The following MELK variants were observed in gnomAD, a reference collection of about 807,000 sequenced individuals.
The protein encoded by MELK is maternal embryonic leucine zipper kinase, also known as pEg3 kinase.
Under a neutral mutation model 85.0 loss-of-function variants are expected in MELK, and 81 were observed. That is an observed-to-expected ratio of 0.95 (90% confidence interval 0.80 to 1.15). The LOEUF (loss-of-function observed/expected upper bound fraction) is 1.15, where lower values mean the gene tolerates loss of function less well. Among genes scored for constraint, MELK ranks in the 50% most tolerant of loss-of-function variants. The pLI is 0.00. For missense variants in MELK, 754 were observed against 777.5 expected (o/e 0.97, Z 0.36); for synonymous variants, 252 against 265.0 (o/e 0.95, Z 0.48).
chr9:36,665,006 CT>C (rs912708775), intron 13 of MELK, among the ~76,000 whole-genome samples: 2 of 151,388 alleles, frequency 1.3e-5, no homozygotes, highest in African/African-American at 4.9e-5. Context: ...GCTGACTAAA[CT>C]TTTTTTTTGG....
At chr9:36,620,581 G>A (rs1389962824) in intron 8 of MELK, among the ~76,000 whole-genome samples, 17 of 129,982 alleles carry the variant, frequency 1.3e-4, no homozygotes. Flanking sequence ...ATGGAGTCTC[G>A]CTCTGTCTCC....
intron 14 of MELK, among the ~76,000 whole-genome samples, chr9:36,667,430 A>G (rs919968836): frequency 6.6e-5 from 10 of 152,224 alleles, no homozygotes; most frequent in African/African-American, 2.4e-4. Flanking sequence ...TTCTGGGATT[A>G]TAGGCGTGGG....
rs150303908 is a variant in MELK, at chr9:36,638,783, C to T, written c.835-4214C>T. ...ACTCCTTTAATCCATTTAATCTGTA[C>T]GCCAATCCTCCGAAGAAGGTACTAT... On this transcript the variant is annotated intron_variant, in intron 10 of 17. Transcript: ENST00000298048. Among the ~76,000 whole-genome samples the T allele has an allele frequency of 7.0e-4, 106 of 152,278 alleles. 2 individuals are homozygous for T. The East Asian group carries it at 0.013, about 19-fold the overall frequency.
intron 8 of MELK, among the ~76,000 whole-genome samples, chr9:36,609,447 C>CTT (rs58390406): frequency 0.017 from 2,294 of 132,706 alleles, 55 homozygotes; most frequent in African/African-American, 0.041. Context: ...CTTTCTTCTT[C>CTT]TTTTTTTTTT....
chr9:36,643,716 C>T lies in MELK; in HGVS notation c.921+633C>T, dbSNP rs577458583. 4.7e-4 allele frequency among the ~76,000 whole-genome samples: 72 copies of T among 152,036 alleles called. 1 individual carries two copies. The East Asian group carries it at 0.012, about 25-fold the overall frequency. On this transcript the variant is annotated intron_variant, in intron 11 of 17. Coordinates refer to ENST00000298048, the MANE Select transcript of MELK (RefSeq NM_014791.4). ...TTCGGAGGCTGAGGTGGGCGGATCACGAGGTCAGGAGATCGAGACCATCCT... is the reference window on the plus strand; with the variant it reads ...TTCGGAGGCTGAGGTGGGCGGATCATGAGGTCAGGAGATCGAGACCATCCT...
chr9:36,627,933 C>T (rs545646940), intron 8 of MELK, among the ~76,000 whole-genome samples: 6 of 152,134 alleles, frequency 3.9e-5, no homozygotes, highest in Admixed American at 6.5e-5. Context: ...CGGAGTTTCA[C>T]TCTTGTTGCC....
intron 11 of MELK, among the ~76,000 whole-genome samples, chr9:36,648,456 G>A (rs889622577): frequency 6.6e-6 from 1 of 152,164 alleles, no homozygotes; most frequent in Non-Finnish European, 1.5e-5. Context: ...TTCTCTACCT[G>A]TGCTGCATAA....
chr9:36,664,471 A>T (rs1832147333), intron 13 of MELK, among the ~76,000 whole-genome samples: 1 of 152,212 alleles, frequency 6.6e-6, no homozygotes, highest in Non-Finnish European at 1.5e-5. Context: ...AACTTAGCAT[A>T]GGACTACTTT....
At chr9:36,580,822 G>A (rs1056968788) in intron 1 of MELK, among the ~76,000 whole-genome samples, 9 of 150,228 alleles carry the variant, frequency 6.0e-5, no homozygotes, top group Admixed American at 1.3e-4. Flanking sequence ...TCCACCTCCC[G>A]GGTTCAAGCG....
intron 3 of MELK, among the ~76,000 whole-genome samples, chr9:36,587,799 A>G (rs1823088103): frequency 6.8e-6 from 1 of 147,430 alleles, no homozygotes. Flanking sequence ...TTTTCGATAC[A>G]GAGTCTCGCT....
intron 16 of MELK, among the ~76,000 whole-genome samples, chr9:36,674,070 T>C (rs1402331623): frequency 2.0e-5 from 3 of 152,202 alleles, no homozygotes; most frequent in Non-Finnish European, 1.5e-5. Context: ...GGCATTTTGT[T>C]ATTTATACAA....
At chr9:36,604,158 G>A (rs1212438249) in intron 7 of MELK, among the ~76,000 whole-genome samples, 5 of 151,186 alleles carry the variant, frequency 3.3e-5, no homozygotes, top group African/African-American at 1.2e-4. Flanking sequence ...TAGTAGAGAC[G>A]GGGTTTCTCC....
At chr9:36,577,136 C>T (rs1196490679) in intron 1 of MELK, among the ~76,000 whole-genome samples, 1 of 152,280 alleles carries the variant, frequency 6.6e-6, no homozygotes, top group East Asian at 1.9e-4. Context: ...GCTAGTCACT[C>T]AGTTCTGGAT....
chr9:36,673,275 C>T (rs907044108), intron 16 of MELK, among the ~76,000 whole-genome samples: 8 of 152,164 alleles, frequency 5.3e-5, no homozygotes. Flanking sequence ...AGGGTCCCTT[C>T]GTTAACACTC....
At chr9:36,660,985 C>G in intron 13 of MELK, among the ~76,000 whole-genome samples, 1 of 152,106 alleles carries the variant, frequency 6.6e-6, no homozygotes. Flanking sequence ...GAGCAAAACT[C>G]CGTCTCAAAT....
chr9:36,611,732 G>A (rs1356388751), intron 8 of MELK, among the ~76,000 whole-genome samples: 1 of 150,806 alleles, frequency 6.6e-6, no homozygotes, highest in African/African-American at 2.5e-5. Flanking sequence ...AGCATTTAGA[G>A]TGGTGCTCAA....
At chr9:36,620,548 C>CTTTTT (rs747925440) in intron 8 of MELK, among the ~76,000 whole-genome samples, 2 of 128,514 alleles carry the variant, frequency 1.6e-5, no homozygotes, top group African/African-American at 3.1e-5. Flanking sequence ...CATTCTCTTC[C>CTTTTT]TTTTTTTTTT....
In MELK at chr9:36,623,821, A is replaced by C. The variant is rs1416640229; in HGVS notation, c.667-6478A>C. Among the ~76,000 whole-genome samples the C allele has an allele frequency of 4.6e-5, 7 of 152,378 alleles. No homozygotes were observed. In the East Asian group the frequency reaches 1.3e-3, roughly 29 times the overall value. The stretch of plus-strand genomic sequence containing the variant: ...TATTCCTATCTCCTGTTTATTTCAG[A>C]TTCAATACATATTTATTGTCTCTTA... On this transcript the variant is annotated intron_variant, in intron 8 of 17. Transcript: ENST00000298048.
intron 3 of MELK, among the ~76,000 whole-genome samples, chr9:36,586,021 G>C (rs1344004498): frequency 6.6e-6 from 1 of 152,032 alleles, no homozygotes; most frequent in African/African-American, 2.4e-5. Flanking sequence ...AATTGTTAAA[G>C]ATATAAGTTC....
Sources: gnomAD v4.1 joint callset for allele counts (sites outside exome capture counted in the v4.1 genomes callset) on GRCh38, gnomAD v4.1.1 for gene constraint, MANE v1.5 for transcripts, NCBI Gene and HGNC (gene_info 2026-07-23, HGNC 2026-07-21) for gene names.